Variants in NVL observed in about 807,000 individuals in gnomAD.
NVL encodes nuclear valosin-containing protein-like.
Under a neutral mutation model 110.2 loss-of-function variants are expected in NVL, and 84 were observed. That is an observed-to-expected ratio of 0.76 (90% CI 0.64 to 0.91). The LOEUF is 0.91. Among genes scored for constraint, NVL ranks in the 40% least tolerant of loss-of-function variants. NVL has a pLI of 0.00. For missense variants in NVL, 882 were observed against 1,035.9 expected, an observed-to-expected ratio of 0.85 and a Z score of 2.04; for synonymous variants, 354 against 361.1, an observed-to-expected ratio of 0.98 and a Z score of 0.22.
intron 20 of NVL, among the ~76,000 whole-genome samples, chr1:224,235,938 A>AG (rs1660417846): frequency 6.7e-6 from 1 of 150,280 alleles, no homozygotes; most frequent in African/African-American, 2.4e-5. Flanking sequence ...GTATGGAAAA[A>AG]AAAAAAAGAA....
intron 5 of NVL, among the ~76,000 whole-genome samples, chr1:224,309,943 C>G (rs149500278): frequency 5.1e-4 from 78 of 151,904 alleles, no homozygotes; most frequent in African/African-American, 1.9e-3. Flanking sequence ...GCACGAGAAT[C>G]ACTTGAACTT....
chr1:224,293,402 A>G (rs1667570261), intron 12 of NVL, among the ~76,000 whole-genome samples: 1 of 152,056 alleles, frequency 6.6e-6, no homozygotes, highest in African/African-American at 2.4e-5. Flanking sequence ...CCACTCTACC[A>G]CCTCAACAGT....
At chr1:224,302,132 T>TCCC (rs1306190478) in intron 9 of NVL, among the ~76,000 whole-genome samples, 2 of 152,160 alleles carry the variant, frequency 1.3e-5, no homozygotes, top group African/African-American at 4.8e-5. Context: ...ACCAATCAAG[T>TCCC]CCCCCTTTAC....
At chr1:224,282,645 A>T (rs1666473767) in intron 15 of NVL, among the ~76,000 whole-genome samples, 1 of 152,164 alleles carries the variant, frequency 6.6e-6, no homozygotes, top group African/African-American at 2.4e-5. Flanking sequence ...GTTCTTTCCT[A>T]TTCTTAGAAC....
intron 18 of NVL, among the ~76,000 whole-genome samples, chr1:224,263,333 G>T (rs911374347): frequency 5.9e-5 from 9 of 152,170 alleles, no homozygotes; most frequent in Non-Finnish European, 1.0e-4. Flanking sequence ...GTTTACAATG[G>T]TAAAGCATCC....
chr1:224,281,716 G>A lies in NVL; in HGVS notation c.1900-531C>T, dbSNP rs529851357. Among the ~76,000 whole-genome samples, 5 of 151,138 alleles carry A rather than the reference G, an allele frequency of 3.3e-5. No homozygotes were observed. In the South Asian group the frequency reaches 1.1e-3, roughly 32 times the overall value. On this transcript the variant is annotated intron_variant, in intron 15 of 22. Coordinates refer to ENST00000281701, the MANE Select transcript of NVL (RefSeq NM_002533.4). ...GCCTGTAATCCTAGCACTTTGGGAG[G>A]CCGAGGCGGGTGGATCACCTGAGGT...
intron 2 of NVL, among the ~76,000 whole-genome samples, chr1:224,320,732 C>T (rs1007789828): frequency 6.6e-6 from 1 of 152,082 alleles, no homozygotes; most frequent in Non-Finnish European, 1.5e-5. Context: ...CTTGCCACAA[C>T]CTCAACCTCC....
chr1:224,227,363 T>G lies in NVL; in HGVS notation c.*263A>C. ...GTCAAAATAGTTCAAAGTAAAAGTT[T>G]TATTTGAAAAATGTAACAGTCATTT... is the stretch of plus-strand genomic sequence containing the variant. On this transcript the variant is annotated 3_prime_UTR_variant, in exon 23 of 23. Coordinates refer to ENST00000281701, the MANE Select transcript of NVL (RefSeq NM_002533.4). The G allele has an allele frequency of 3.6e-6, 1 of 277,770 alleles. No individual in the cohort carries two copies. Among genetic ancestry groups the G allele is most frequent in the Non-Finnish European group, 6.8e-6 (1 of 146,084 alleles). The allele number at this position is 277,770 out of a possible 1,614,324, so 17.2% of individuals were successfully genotyped here. A position where few individuals can be genotyped will look rare whatever the true frequency, so the allele number is the denominator to read the frequency against.
intron 18 of NVL, among the ~76,000 whole-genome samples, chr1:224,260,478 G>C (rs1485588288): frequency 1.3e-5 from 2 of 151,792 alleles, no homozygotes; most frequent in African/African-American, 4.8e-5. Flanking sequence ...GGATAGTCTC[G>C]ATCTCCTAAC....
intron 7 of NVL, 31 bp from the exon 8 acceptor site, chr1:224,304,843 T>C (rs1459675939): frequency 1.9e-6 from 3 of 1,577,676 alleles, no homozygotes; most frequent in African/African-American, 1.3e-5. Flanking sequence ...GATGAAAAGA[T>C]TAATGATTCA....
chr1:224,326,957 CAA>C (rs1671203655), intron 1 of NVL, among the ~76,000 whole-genome samples: 1 of 152,106 alleles, frequency 6.6e-6, no homozygotes, highest in African/African-American at 2.4e-5. Flanking sequence ...CCCTGGGCAA[CAA>C]AGTTTGACCT....
chr1:224,324,666 C>T (rs1356986446), intron 2 of NVL, among the ~76,000 whole-genome samples: 8 of 152,136 alleles, frequency 5.3e-5, no homozygotes, highest in Non-Finnish European at 5.9e-5. Flanking sequence ...ACTCTATGGC[C>T]TTAAGCCAAT....
chr1:224,257,091 G>A (rs754071651), intron 18 of NVL: 2 of 531,940 alleles, frequency 3.8e-6, no homozygotes, highest in East Asian at 5.5e-5. Flanking sequence ...GGAAATCTGG[G>A]AAGAGAAAGC....
chr1:224,228,859 A>T (rs2102682376), intron 22 of NVL, among the ~76,000 whole-genome samples: 1 of 136,434 alleles, frequency 7.3e-6, no homozygotes, highest in South Asian at 2.4e-4. Flanking sequence ...GAATGGTGTG[A>T]ACCTGGGAGG....
At chr1:224,247,072 A>G (rs1661926955) in intron 19 of NVL, among the ~76,000 whole-genome samples, 1 of 151,892 alleles carries the variant, frequency 6.6e-6, no homozygotes, top group African/African-American at 2.4e-5. Flanking sequence ...AAAAAAAAAA[A>G]AACAGAGCCA....
chr1:224,231,194 C>A (rs1348778330), intron 22 of NVL, 32 bp downstream of exon 22: 1 of 1,478,248 alleles, frequency 6.8e-7, no homozygotes. Context: ...ATTCTAGTTT[C>A]CTTTCTCTAT....
chr1:224,285,454 A>T (rs998275141), intron 15 of NVL, among the ~76,000 whole-genome samples: 3 of 152,138 alleles, frequency 2.0e-5, no homozygotes, highest in African/African-American at 4.8e-5. Flanking sequence ...AAAATAAAAT[A>T]AAAAAAGCTT....
intron 17 of NVL, 44 bp downstream of exon 17, chr1:224,275,295 A>G (rs561093499): frequency 1.1e-5 from 18 of 1,611,050 alleles, no homozygotes; most frequent in Non-Finnish European, 1.4e-5. Context: ...GAAAAGGTTT[A>G]TTGTGCTAAA....
chr1:224,274,957 AC>A (rs1485920692), intron 17 of NVL, among the ~76,000 whole-genome samples: 3 of 152,076 alleles, frequency 2.0e-5, no homozygotes, highest in African/African-American at 7.2e-5. Context: ...TAATAACCTG[AC>A]CCTATTTTGA....
Sources: allele counts gnomAD v4.1 joint callset (sites outside exome capture counted in the v4.1 genomes callset), GRCh38; gene constraint gnomAD v4.1.1; transcripts MANE v1.5; gene names NCBI Gene and HGNC (gene_info 2026-07-23, HGNC 2026-07-21).